The following THSD7B variants were observed in gnomAD, a reference collection of about 807,000 sequenced individuals.
THSD7B encodes thrombospondin type 1 domain containing 7B.
THSD7B carries 138 observed loss-of-function variants against 213.6 expected under a neutral mutation model. The ratio of observed to expected loss-of-function variants is 0.65; its 90% confidence interval spans 0.56 to 0.74. The LOEUF (loss-of-function observed/expected upper bound fraction) is 0.74. THSD7B is among the 30% of genes least tolerant of loss of function. The pLI is 0.00. For missense variants in THSD7B, 1,931 were observed against 1,991.5 expected (o/e 0.97, Z 0.58); for synonymous variants, 742 against 687.0 (o/e 1.08, Z -1.25).
In THSD7B at chr2:136,780,667, G is replaced by A. The variant is rs183823299; in HGVS notation, c.-36+14980G>A. Among the ~76,000 whole-genome samples the A allele has an allele frequency of 3.1e-3, 466 of 152,260 alleles. 4 individuals are homozygous for A. The highest frequency in any genetic ancestry group is 5.7e-3 in the Non-Finnish European group (387 of 68,016). ...TTCTATAGAGTAGTGAGAATCACCTGACAAAGTCTTTCATATATAGGGCTC... is the reference window on the plus strand; with the variant it reads ...TTCTATAGAGTAGTGAGAATCACCTAACAAAGTCTTTCATATATAGGGCTC... On this transcript the variant is annotated intron_variant, in intron 1 of 27. Coordinates refer to ENST00000409968, the MANE Select transcript of THSD7B (RefSeq NM_001316349.2).
At chr2:136,837,309 T>C (rs1263926933) in intron 1 of THSD7B, among the ~76,000 whole-genome samples, 1 of 152,212 alleles carries the variant, frequency 6.6e-6, no homozygotes, top group Non-Finnish European at 1.5e-5. Context: ...CCACTCTCCT[T>C]CTGCACTTAC....
intron 1 of THSD7B, among the ~76,000 whole-genome samples, chr2:136,789,725 T>G (rs1164971725): frequency 6.6e-6 from 1 of 152,114 alleles, no homozygotes; most frequent in African/African-American, 2.4e-5. Context: ...GAGAGAGTAA[T>G]GAATTTTCTT....
At chr2:137,663,316 A>T in intron 25 of THSD7B, 67 bp from the exon 26 acceptor site, 1 of 1,321,836 alleles carries the variant, frequency 7.6e-7, no homozygotes, top group South Asian at 1.9e-5. Flanking sequence ...TGATTTTAAC[A>T]TTATATTTTT....
At chr2:136,812,536 AACT>A (rs1460636750) in intron 1 of THSD7B, among the ~76,000 whole-genome samples, 2 of 152,198 alleles carry the variant, frequency 1.3e-5, no homozygotes, top group Non-Finnish European at 2.9e-5. Context: ...TAATAATAAG[AACT>A]ACTATTTATT....
chr2:137,198,533 T>C (rs1335283855), intron 7 of THSD7B, among the ~76,000 whole-genome samples: 2 of 152,186 alleles, frequency 1.3e-5, no homozygotes, highest in African/African-American at 4.8e-5. Context: ...CTTGGCCTTC[T>C]GAGGAAAAGA....
chr2:136,890,374 TTCC>T lies in THSD7B; in HGVS notation c.139+8060_139+8062del, dbSNP rs1558839968. Among the ~76,000 whole-genome samples, 16 of 4,974 alleles carry T rather than the reference TTCC, an allele frequency of 3.2e-3. 3 individuals carry two copies. The highest frequency in any genetic ancestry group is 6.3e-3 in the African/African-American group (10 of 1,576). 3.3% of individuals were successfully genotyped at this position (4,974 alleles called of 152,430 possible). On this transcript the variant is annotated intron_variant, in intron 2 of 27. Transcript: ENST00000409968. ...CTTCTTCTTCTTCTTCTTCTTCTTC[TTCC>T]TCTTCCTCTTCCTCTTCCTCTTCCT...
chr2:137,516,044 T>C (rs951731691), intron 15 of THSD7B, among the ~76,000 whole-genome samples: 2 of 152,172 alleles, frequency 1.3e-5, no homozygotes, highest in Non-Finnish European at 2.9e-5. Flanking sequence ...GCAATGGGAA[T>C]AATTGGATCT....
intron 12 of THSD7B, among the ~76,000 whole-genome samples, chr2:137,348,587 C>T (rs1684932024): frequency 6.6e-6 from 1 of 151,328 alleles, no homozygotes; most frequent in Admixed American, 6.6e-5. Context: ...CATAAGAGCT[C>T]AGTCATAATT....
chr2:136,970,292 C>T (rs1052652481), intron 2 of THSD7B, among the ~76,000 whole-genome samples: 38 of 151,744 alleles, frequency 2.5e-4, no homozygotes, highest in South Asian at 2.1e-4. Flanking sequence ...GGAGAAACCC[C>T]ATCTCTACTA....
intron 2 of THSD7B, among the ~76,000 whole-genome samples, chr2:137,046,193 G>T (rs1686966792): frequency 6.6e-6 from 1 of 152,176 alleles, no homozygotes. Context: ...CTAGTACAGG[G>T]AATAGAGTAG....
intron 17 of THSD7B, among the ~76,000 whole-genome samples, chr2:137,586,792 G>A (rs138328430): frequency 1.9e-3 from 282 of 152,176 alleles, no homozygotes; most frequent in African/African-American, 6.3e-3. Flanking sequence ...TTCAACTTTC[G>A]TGAATCTGAC....
chr2:137,088,131 T>C (rs1430929150), intron 3 of THSD7B, among the ~76,000 whole-genome samples: 1 of 152,010 alleles, frequency 6.6e-6, no homozygotes, highest in Non-Finnish European at 1.5e-5. Context: ...TCCTAGCTAC[T>C]TGGGAGGCTG....
At chr2:137,045,118 T>G (rs138490794) in intron 2 of THSD7B, among the ~76,000 whole-genome samples, 293 of 152,316 alleles carry the variant, frequency 1.9e-3, no homozygotes, top group African/African-American at 6.9e-3. Context: ...TTTTCCTTCT[T>G]CATAATTTCA....
chr2:137,294,807 C>T (rs1041896615), intron 12 of THSD7B, among the ~76,000 whole-genome samples: 2 of 151,996 alleles, frequency 1.3e-5, no homozygotes, highest in African/African-American at 4.8e-5. Flanking sequence ...GGTCTTGGAA[C>T]GTATACCCCA....
At position 137,405,731 on chromosome 2, in the gene THSD7B, C is replaced by T; in HGVS notation, c.2619C>T (p.Thr873=). The change falls in exon 13 of 28, where the codon ACC becomes ACT. Residue 873 remains threonine, a synonymous_variant. Coordinates refer to ENST00000409968, the MANE Select transcript of THSD7B (RefSeq NM_001316349.2). ...ECTVPCREDC[T]FTAWSKFTPC... is the part of the protein sequence containing the mutation. ...CAGTCCCATGTCGAGAAGACTGCAC[C>T]TTCACTGCTTGGTCCAAGTTTACGC... The T allele has an allele frequency of 1.9e-6, 3 of 1,613,742 alleles. No individual in the cohort carries two copies. Among genetic ancestry groups the T allele is most frequent in the Non-Finnish European group, 2.5e-6 (3 of 1,179,828 alleles).
chr2:137,125,679 G>A (rs968670425), intron 5 of THSD7B, among the ~76,000 whole-genome samples: 1 of 152,162 alleles, frequency 6.6e-6, no homozygotes, highest in African/African-American at 2.4e-5. Flanking sequence ...ATCTAGAATG[G>A]TGAACGCATT....
At chr2:137,388,046 G>A (rs1558779229) in intron 12 of THSD7B, among the ~76,000 whole-genome samples, 1 of 152,168 alleles carries the variant, frequency 6.6e-6, no homozygotes, top group Non-Finnish European at 1.5e-5. Context: ...TATCATGTAA[G>A]AGAGACTCTA....
intron 6 of THSD7B, among the ~76,000 whole-genome samples, chr2:137,162,685 T>C (rs1306650246): frequency 6.6e-6 from 1 of 152,082 alleles, no homozygotes; most frequent in Non-Finnish European, 1.5e-5. Flanking sequence ...TTTCTTTCTT[T>C]TTCTTTCCTT....
intron 15 of THSD7B, among the ~76,000 whole-genome samples, chr2:137,525,664 CAG>C (rs2105172643): frequency 6.6e-6 from 1 of 152,202 alleles, no homozygotes; most frequent in African/African-American, 2.4e-5. Flanking sequence ...TCATTAATAA[CAG>C]TATTTCATAA....
Sources: allele counts gnomAD v4.1 joint callset (sites outside exome capture counted in the v4.1 genomes callset), GRCh38; gene constraint gnomAD v4.1.1; transcripts MANE v1.5; gene names NCBI Gene and HGNC (gene_info 2026-07-23, HGNC 2026-07-21).